SLC14A2: variants seen among roughly 807,000 people sequenced by gnomAD.
The protein encoded by SLC14A2 is solute carrier family 14 member 2, also known as urea transporter 2.
Under a neutral mutation model 104.6 loss-of-function variants are expected in SLC14A2, and 91 were observed. That is an observed-to-expected ratio of 0.87 (90% CI 0.73 to 1.04). The LOEUF is 1.04. Ranked by LOEUF, SLC14A2 falls within the 50% of genes least tolerant of loss-of-function variation. The pLI is 0.00. For synonymous variants in SLC14A2, 476 were observed against 466.4 expected (o/e 1.02, Z -0.27); for missense variants, 1,189 against 1,156.0 (o/e 1.03, Z -0.41).
At chr18:45,488,092 GAATC>G (rs2087645169) in intron 2 of SLC14A2, among the ~76,000 whole-genome samples, 1 of 152,138 alleles carries the variant, frequency 6.6e-6, no homozygotes. Context: ...CAGAACTTAG[GAATC>G]AGAAGGAAAA....
the SLC14A2 span, among the ~76,000 whole-genome samples, chr18:45,192,614 T>TTGTGTG: frequency 2.0e-5 from 3 of 146,514 alleles, no homozygotes; most frequent in Non-Finnish European, 4.5e-5. Flanking sequence ...GGTAGTGGTT[T>TTGTGTG]TGTGTGTGTG....
At chr18:45,532,062 C>A (rs531688869) in intron 2 of SLC14A2, among the ~76,000 whole-genome samples, 6 of 152,104 alleles carry the variant, frequency 3.9e-5, no homozygotes, top group African/African-American at 1.4e-4. Flanking sequence ...TGGTCTATAT[C>A]TCTGTTTTGG....
intron 1 of SLC14A2, among the ~76,000 whole-genome samples, chr18:45,360,973 C>T (rs1458327956): frequency 2.0e-5 from 3 of 152,114 alleles, no homozygotes; most frequent in Non-Finnish European, 4.4e-5. Flanking sequence ...CTACTCACTC[C>T]CTCGCTTCCA....
intron 1 of SLC14A2, among the ~76,000 whole-genome samples, chr18:45,365,417 A>G (rs1028999300): frequency 2.0e-5 from 3 of 152,232 alleles, no homozygotes; most frequent in Non-Finnish European, 2.9e-5. Context: ...CATTCACTCA[A>G]TAATTTATTG....
chr18:45,190,312 G>A, the SLC14A2 span, among the ~76,000 whole-genome samples: 1 of 152,146 alleles, frequency 6.6e-6, no homozygotes, highest in Non-Finnish European at 1.5e-5. Flanking sequence ...CTTTTCTGGG[G>A]ATAGACAAAT....
intron 2 of SLC14A2, among the ~76,000 whole-genome samples, chr18:45,485,868 A>T (rs2087594517): frequency 6.6e-6 from 1 of 152,084 alleles, no homozygotes. Flanking sequence ...AGCTATAGTC[A>T]ACCTAGACCT....
intron 11 of SLC14A2, among the ~76,000 whole-genome samples, chr18:45,664,137 A>C (rs2045976229): frequency 1.3e-5 from 2 of 152,162 alleles, no homozygotes. Flanking sequence ...TGGGGTCTCA[A>C]CCTGGCTGCA....
upstream of SLC14A2, among the ~76,000 whole-genome samples, chr18:45,614,380 A>C (rs1004951247): frequency 4.6e-5 from 7 of 152,228 alleles, no homozygotes; most frequent in African/African-American, 1.7e-4. Context: ...TGGAGCCCCC[A>C]CACAGAGTCC....
intron 1 of SLC14A2, among the ~76,000 whole-genome samples, chr18:45,229,510 C>G (rs903998464): frequency 6.6e-6 from 1 of 152,080 alleles, no homozygotes; most frequent in Non-Finnish European, 1.5e-5. Context: ...CAAGTTCTGC[C>G]GTGTCACTCC....
chr18:45,387,374 C>G (rs1472422148), intron 1 of SLC14A2, among the ~76,000 whole-genome samples: 1 of 152,128 alleles, frequency 6.6e-6, no homozygotes, highest in Non-Finnish European at 1.5e-5. Flanking sequence ...GTAACCCTCC[C>G]ACATCACCAT....
At position 45,362,478 on chromosome 18, in the gene SLC14A2, A is replaced by T. The variant is rs553758471; in HGVS notation, c.-124-120755A>T. Among the ~76,000 whole-genome samples the T allele has an allele frequency of 2.2e-4, 34 of 152,342 alleles. 1 individual carries two copies. Among genetic ancestry groups the T allele is most frequent in the Admixed American group, 1.9e-3 (29 of 15,296 alleles). On this transcript the variant is annotated intron_variant, in intron 1 of 20. Transcript: ENST00000586448. ...TGTGAGAGTCAGCAGGGCTATTCGC[A>T]TCCAGCCCAACTCCCCTGGTCTTAG... is the stretch of plus-strand genomic sequence containing the variant.
At chr18:45,368,585 A>G (rs2085690208) in intron 1 of SLC14A2, among the ~76,000 whole-genome samples, 1 of 152,214 alleles carries the variant, frequency 6.6e-6, no homozygotes, top group African/African-American at 2.4e-5. Context: ...AGTCAGATTT[A>G]TCATCTCTGT....
intron 1 of SLC14A2, among the ~76,000 whole-genome samples, chr18:45,345,316 ATTTAC>A (rs1041796628): frequency 4.4e-4 from 67 of 152,270 alleles, no homozygotes; most frequent in African/African-American, 1.4e-3. Context: ...ATTATTGAGA[ATTTAC>A]TTTATGTTAG....
intron 1 of SLC14A2, among the ~76,000 whole-genome samples, chr18:45,425,512 C>T (rs1341397313): frequency 1.3e-5 from 2 of 152,236 alleles, no homozygotes; most frequent in South Asian, 2.1e-4. Flanking sequence ...GATGAATTGC[C>T]AGTACATCAG....
In SLC14A2 at chr18:45,235,895, G is replaced by A. The variant is rs1311962435; in HGVS notation, c.-125+22704G>A. Among the ~76,000 whole-genome samples the A allele has an allele frequency of 5.6e-5, 6 of 106,332 alleles. 1 individual carries two copies. The allele number at this position is 106,332 out of a possible 152,430, so 69.8% of individuals were successfully genotyped here. On this transcript the variant is annotated intron_variant, in intron 1 of 20. Coordinates refer to the SLC14A2 transcript ENST00000586448. ...TATATGTATATATACATATATGTGT[G>A]TATGTATGTATATATACATATATGT... is the stretch of plus-strand genomic sequence containing the variant.
At chr18:45,406,812 A>G (rs1013416903) in intron 1 of SLC14A2, among the ~76,000 whole-genome samples, 5 of 152,164 alleles carry the variant, frequency 3.3e-5, no homozygotes, top group Non-Finnish European at 7.4e-5. Context: ...AAGCAATAAT[A>G]TTTTGAAAGT....
the SLC14A2 span, among the ~76,000 whole-genome samples, chr18:45,200,320 T>G: frequency 6.6e-6 from 1 of 152,152 alleles, no homozygotes; most frequent in East Asian, 1.9e-4. Flanking sequence ...CTTAAATACA[T>G]TCAACATGAG....
chr18:45,327,969 A>G (rs1019890048), intron 1 of SLC14A2, among the ~76,000 whole-genome samples: 1 of 152,194 alleles, frequency 6.6e-6, no homozygotes, highest in Admixed American at 6.5e-5. Flanking sequence ...CTTGACAGAT[A>G]TCATGTTTGT....
chr18:45,598,005 G>T (rs1008901460), intron 2 of SLC14A2, among the ~76,000 whole-genome samples: 13 of 152,140 alleles, frequency 8.5e-5, no homozygotes, highest in Non-Finnish European at 1.6e-4. Context: ...GGGAGGTGCA[G>T]GCCAGTCATA....
Sources: allele counts gnomAD v4.1 joint callset (sites outside exome capture counted in the v4.1 genomes callset), GRCh38; gene constraint gnomAD v4.1.1; transcripts MANE v1.5; gene names NCBI Gene and HGNC (gene_info 2026-07-23, HGNC 2026-07-21).